Variants in TTBK2 observed in about 807,000 individuals in gnomAD.
TTBK2 encodes tau-tubulin kinase 2.
A neutral mutation model predicts 110.8 loss-of-function variants in TTBK2; 28 were observed. That is an observed-to-expected ratio of 0.25 (90% CI 0.19 to 0.35). The LOEUF (loss-of-function observed/expected upper bound fraction) is 0.35. Ranked by LOEUF, TTBK2 falls within the 10% of genes least tolerant of loss-of-function variation. TTBK2 has a pLI of 1.00. For missense variants in TTBK2, 1,369 were observed against 1,500.3 expected, an observed-to-expected ratio of 0.91 and a Z score of 1.45; for synonymous variants, 532 against 527.3, an observed-to-expected ratio of 1.01 and a Z score of -0.12.
intron 1 of TTBK2, among the ~76,000 whole-genome samples, chr15:42,882,693 C>T (rs1177961182): frequency 2.0e-5 from 3 of 151,878 alleles, no homozygotes; most frequent in African/African-American, 4.8e-5. Context: ...TGACTGACTG[C>T]GGATTTCTCA....
chr15:42,809,068 C>T, intron 9 of TTBK2, among the ~76,000 whole-genome samples: 1 of 152,204 alleles, frequency 6.6e-6, no homozygotes, highest in Non-Finnish European at 1.5e-5. Flanking sequence ...CCTGATGTCA[C>T]ATTGATACTA....
At chr15:42,791,147 G>A (rs1327676350) in intron 10 of TTBK2, among the ~76,000 whole-genome samples, 1 of 152,130 alleles carries the variant, frequency 6.6e-6, no homozygotes, top group Non-Finnish European at 1.5e-5. Context: ...GCCTCCCAAA[G>A]TGCTGGGATT....
intron 1 of TTBK2, among the ~76,000 whole-genome samples, chr15:42,894,945 A>C (rs1388182070): frequency 2.6e-5 from 4 of 152,230 alleles, no homozygotes; most frequent in African/African-American, 7.2e-5. Flanking sequence ...GCAGATTAAT[A>C]GTCTAAAAAT....
In TTBK2 at chr15:42,752,252, G is replaced by A. The variant is rs1168189996; in HGVS notation, c.2994C>T (p.Ala998=). 5 of 1,614,132 alleles carry A rather than the reference G, an allele frequency of 3.1e-6. No homozygotes were observed. The highest frequency in any genetic ancestry group is 2.2e-5 in the East Asian group (1 of 44,892). ...FKSFLGDLSS[A]SDKLLEEKLA... Reference sequence around the variant, plus strand: ...GTTTCTCCTCTAGCAATTTATCAGAGGCACTTGAGAGGTCGCCAAGGAAGG... The same window carrying A: ...GTTTCTCCTCTAGCAATTTATCAGAAGCACTTGAGAGGTCGCCAAGGAAGG... Residue 998 remains alanine (A), a synonymous_variant, in exon 14 of 15, where the codon GCC becomes GCT. Transcript: ENST00000267890.
intron 3 of TTBK2, among the ~76,000 whole-genome samples, chr15:42,871,946 A>G (rs1440193803): frequency 1.3e-5 from 2 of 152,212 alleles, no homozygotes; most frequent in Admixed American, 6.5e-5. Flanking sequence ...ACATTTAAAC[A>G]TCAGTAATAT....
At chr15:42,890,762 G>C (rs1432025027) in intron 1 of TTBK2, among the ~76,000 whole-genome samples, 1 of 152,170 alleles carries the variant, frequency 6.6e-6, no homozygotes, top group South Asian at 2.1e-4. Context: ...ATGACTACAT[G>C]ACTAGAACCT....
At chr15:42,918,054 G>C (rs2031177671) in intron 1 of TTBK2, among the ~76,000 whole-genome samples, 1 of 148,170 alleles carries the variant, frequency 6.7e-6, no homozygotes, top group Non-Finnish European at 1.5e-5. Flanking sequence ...ACTTTCCCTT[G>C]TCATAGATTT....
chr15:42,824,996 T>C (rs1387223865), intron 6 of TTBK2, among the ~76,000 whole-genome samples: 1 of 152,040 alleles, frequency 6.6e-6, no homozygotes, highest in Non-Finnish European at 1.5e-5. Flanking sequence ...CCTGTAATTT[T>C]AGAACTTTGA....
At chr15:42,785,213 G>C (rs996349223) in intron 10 of TTBK2, among the ~76,000 whole-genome samples, 1 of 149,856 alleles carries the variant, frequency 6.7e-6, no homozygotes, top group African/African-American at 2.5e-5. Context: ...TCCGCCCCCG[G>C]GGTTCAAGCG....
chr15:42,820,671 C>A, intron 6 of TTBK2, among the ~76,000 whole-genome samples: 1 of 151,694 alleles, frequency 6.6e-6, no homozygotes, highest in East Asian at 1.9e-4. Context: ...TTATAGTATG[C>A]CCAAATAATG....
At chr15:42,769,554 G>A (rs1477100168) in intron 13 of TTBK2, among the ~76,000 whole-genome samples, 5 of 152,082 alleles carry the variant, frequency 3.3e-5, no homozygotes, top group Admixed American at 6.6e-5. Flanking sequence ...CAAAACCACA[G>A]TGAGATACCA....
intron 1 of TTBK2, among the ~76,000 whole-genome samples, chr15:42,891,868 G>A (rs187422093): frequency 3.3e-5 from 5 of 152,206 alleles, no homozygotes; most frequent in African/African-American, 1.2e-4. Flanking sequence ...CAGCTTTGTG[G>A]GACTGAGCCC....
In TTBK2 at chr15:42,800,929, C is replaced by A; in HGVS notation, c.823-6128G>T. The stretch of plus-strand genomic sequence containing the variant: ...ACAGTGGCCTCCCTCCTAGGCTCTG[C>A]GGCAGCCGCAGGAGGGACAGGCTGG... On this transcript the variant is annotated intron_variant, in intron 9 of 14. Coordinates refer to ENST00000267890, the MANE Select transcript of TTBK2 (RefSeq NM_173500.4). The A allele has an allele frequency of 2.8e-6, 2 of 708,780 alleles. 1 individual carries two copies. Among genetic ancestry groups the A allele is most frequent in the South Asian group, 3.1e-5 (2 of 64,182 alleles). The allele number at this position is 708,780 out of a possible 1,614,324, so 43.9% of individuals were successfully genotyped here. A position where few individuals can be genotyped will look rare whatever the true frequency, so the allele number is the denominator to read the frequency against.
rs186366008 is a variant in TTBK2 at position 42,902,999 on chromosome 15, A to G, written c.-68+17439T>C. On this transcript the variant is annotated intron_variant, in intron 1 of 14. Coordinates refer to ENST00000267890, the MANE Select transcript of TTBK2 (RefSeq NM_173500.4). ...CACTCTGTTTCTCAAAAAAAAAAAA[A>G]AAAGAAAGAAAGAAAGAAAGGGAAT... Among the ~76,000 whole-genome samples, 282 of 151,940 alleles carry G rather than the reference A, an allele frequency of 1.9e-3. 2 individuals carry two copies. The highest frequency in any genetic ancestry group is 5.7e-3 in the African/African-American group (236 of 41,482).
intron 13 of TTBK2, among the ~76,000 whole-genome samples, chr15:42,767,297 AC>A (rs1387144495): frequency 5.3e-5 from 8 of 152,170 alleles, no homozygotes; most frequent in African/African-American, 1.7e-4. Context: ...ACACAAAAAA[AC>A]CCTTCAAAAA....
rs2030189649 is a variant in TTBK2 at position 42,903,452 on chromosome 15, G to A, written c.-68+16986C>T. ...TATGTATATTTTACCATAATAAAAAGAAAGTTTAAATTTTAAATAGGACTA... is the reference window on the plus strand; with the variant it reads ...TATGTATATTTTACCATAATAAAAAAAAAGTTTAAATTTTAAATAGGACTA... On this transcript the variant is annotated intron_variant, in intron 1 of 14. Transcript: ENST00000267890. Among the ~76,000 whole-genome samples the A allele has an allele frequency of 2.6e-5, 4 of 152,152 alleles. No individual in the cohort carries two copies. The South Asian group carries it at 8.3e-4, about 32-fold the overall frequency.
At chr15:42,874,230 T>C (rs1410521101) in intron 2 of TTBK2, among the ~76,000 whole-genome samples, 1 of 152,202 alleles carries the variant, frequency 6.6e-6, no homozygotes, top group Admixed American at 6.5e-5. Context: ...CCCATAGCAT[T>C]TGGCAAAGTG....
intron 4 of TTBK2, among the ~76,000 whole-genome samples, chr15:42,833,959 C>T (rs1001140874): frequency 2.0e-5 from 3 of 151,742 alleles, no homozygotes; most frequent in African/African-American, 4.8e-5. Flanking sequence ...TGCAGTGAGC[C>T]GAGATCACGC....
intron 4 of TTBK2, among the ~76,000 whole-genome samples, chr15:42,837,015 A>T (rs189437320): frequency 1.3e-4 from 20 of 152,324 alleles, no homozygotes; most frequent in African/African-American, 4.1e-4. Flanking sequence ...ACAAAAAGTT[A>T]TATTATTACT....
Sources: gnomAD v4.1 joint callset for allele counts (sites outside exome capture counted in the v4.1 genomes callset) on GRCh38, gnomAD v4.1.1 for gene constraint, MANE v1.5 for transcripts, NCBI Gene and HGNC (gene_info 2026-07-23, HGNC 2026-07-21) for gene names.